Variants in SPAG9 observed in about 807,000 individuals in gnomAD.
The protein encoded by SPAG9 is sperm associated antigen 9.
Under a neutral mutation model 166.5 loss-of-function variants are expected in SPAG9, and 35 were observed. The observed-to-expected ratio is 0.21, with a 90% confidence interval of 0.16 to 0.28. The LOEUF (loss-of-function observed/expected upper bound fraction) is 0.28. Ranked by LOEUF, SPAG9 falls within the 10% of genes least tolerant of loss-of-function variation. The probability of loss-of-function intolerance (pLI) is 1.00; values close to 1 mark genes in which losing one functional copy is unlikely to be tolerated. For synonymous variants in SPAG9, 534 were observed against 565.5 expected, an observed-to-expected ratio of 0.94 and a Z score of 0.79; for missense variants, 1,235 against 1,603.3, an observed-to-expected ratio of 0.77 and a Z score of 3.92.
Position 50,996,612 on chromosome 17 carries a change from C to T in SPAG9, c.1921G>A (p.Gly641Ser), listed in dbSNP as rs753352548. 6 of 1,614,152 alleles carry T rather than the reference C, an allele frequency of 3.7e-6. No individual in the cohort carries two copies. The highest frequency in any genetic ancestry group is 2.2e-5 in the East Asian group (1 of 44,886). The change falls in exon 16 of 30, where the codon GGT (glycine) becomes AGT (serine). Residue 641 changes from glycine to serine, a missense_variant. By Grantham distance (56) the Gly-to-Ser change is moderately conservative. Transcript: ENST00000262013. ...QVKAHVQKEDGRVQAFGWSLP... is the reference protein window; with the variant it reads ...QVKAHVQKEDSRVQAFGWSLP... Reference sequence around the variant, plus strand: ...CTCCAGCCAAAAGCCTGCACTCTACCGTCTTCCTTCTGAACATGTGCTTTT... The same window carrying T: ...CTCCAGCCAAAAGCCTGCACTCTACTGTCTTCCTTCTGAACATGTGCTTTT...
intron 2 of SPAG9, among the ~76,000 whole-genome samples, chr17:51,078,011 T>C (rs2048065046): frequency 6.6e-6 from 1 of 151,470 alleles, no homozygotes; most frequent in Non-Finnish European, 1.5e-5. Context: ...CTCAGGCTGG[T>C]CTCAAACTCC....
intron 3 of SPAG9, among the ~76,000 whole-genome samples, chr17:51,053,126 G>A (rs1402195825): frequency 1.3e-5 from 2 of 151,242 alleles, no homozygotes; most frequent in Non-Finnish European, 2.9e-5. Flanking sequence ...TATTAAAAAA[G>A]ATTAGAGCTT....
intron 1 of SPAG9, among the ~76,000 whole-genome samples, chr17:51,104,101 T>C (rs1326155695): frequency 6.6e-6 from 1 of 152,128 alleles, no homozygotes; most frequent in African/African-American, 2.4e-5. Flanking sequence ...GCCAGGTAGA[T>C]GGTGGTATCC....
rs1327516714 is a variant in SPAG9, at chr17:51,031,486, G to A, written c.783+195C>T. 1.1e-5 allele frequency: 6 copies of A among 565,826 alleles called. No individual in the cohort carries two copies. The East Asian group carries it at 1.5e-4, about 14-fold the overall frequency. 35.1% of individuals were successfully genotyped at this position (565,826 alleles called of 1,614,324 possible). A position where few individuals can be genotyped will look rare whatever the true frequency, so the allele number is the denominator to read the frequency against. On this transcript the variant is annotated intron_variant, in intron 6 of 29. Coordinates refer to ENST00000262013, the MANE Select transcript of SPAG9 (RefSeq NM_001130528.3). ...ATTTAAAAATGCTTACTTTGGGGAA[G>A]GAATAAATTACAGATTGCAGTAAAG... is the stretch of plus-strand genomic sequence containing the variant.
At chr17:50,984,832 T>C in intron 24 of SPAG9, 91 bp downstream of exon 24, 1 of 961,428 alleles carries the variant, frequency 1.0e-6, no homozygotes, top group Non-Finnish European at 1.7e-6. Flanking sequence ...TTAAACTGAG[T>C]ATCATTTCTT....
intron 9 of SPAG9, among the ~76,000 whole-genome samples, chr17:51,012,346 C>T (rs1252280955): frequency 1.3e-5 from 2 of 151,960 alleles, no homozygotes; most frequent in East Asian, 1.9e-4. Context: ...CCAAGACAGG[C>T]GAATCATGAG....
At chr17:51,097,355 A>G (rs1474935559) in intron 1 of SPAG9, among the ~76,000 whole-genome samples, 1 of 152,174 alleles carries the variant, frequency 6.6e-6, no homozygotes, top group Non-Finnish European at 1.5e-5. Flanking sequence ...TAGCCAGTTG[A>G]GACTGTACTG....
intron 6 of SPAG9, among the ~76,000 whole-genome samples, chr17:51,027,746 T>C (rs143605245): frequency 2.6e-5 from 4 of 152,334 alleles, no homozygotes; most frequent in Non-Finnish European, 5.9e-5. Flanking sequence ...TAATACTTGA[T>C]AATGATAAAC....
chr17:51,077,005 G>GCTAGCTAGCTATCTAGCTAGCTAGCTAT (rs2047997005), intron 2 of SPAG9, among the ~76,000 whole-genome samples: 3 of 92,508 alleles, frequency 3.2e-5, no homozygotes, highest in African/African-American at 1.4e-4. Flanking sequence ...TAGCTATCTA[G>GCTAGCTAGCTATCTAGCTAGCTAGCTAT]CTAGCTAGCT....
At chr17:51,049,399 G>A (rs2047119789) in intron 3 of SPAG9, among the ~76,000 whole-genome samples, 1 of 151,328 alleles carries the variant, frequency 6.6e-6, no homozygotes, top group Non-Finnish European at 1.5e-5. Context: ...AAAGAGGTCA[G>A]GTGCAGTAGC....
chr17:51,044,447 T>C (rs1026669635), intron 4 of SPAG9, among the ~76,000 whole-genome samples: 2 of 152,244 alleles, frequency 1.3e-5, no homozygotes, highest in Admixed American at 1.3e-4. Flanking sequence ...CATATATCCA[T>C]TTTTGAGTTG....
chr17:51,016,951 C>G (rs2045724117), intron 8 of SPAG9, among the ~76,000 whole-genome samples: 1 of 152,192 alleles, frequency 6.6e-6, no homozygotes, highest in Non-Finnish European at 1.5e-5. Flanking sequence ...ATACTGTATT[C>G]TGTGGCTAAG....
intron 2 of SPAG9, among the ~76,000 whole-genome samples, chr17:51,062,616 A>C (rs1257500080): frequency 2.0e-5 from 3 of 152,150 alleles, no homozygotes; most frequent in Non-Finnish European, 4.4e-5. Context: ...TTTGAGACAG[A>C]GTCTTGCTCT....
intron 25 of SPAG9, among the ~76,000 whole-genome samples, chr17:50,980,827 G>A (rs1036524762): frequency 6.6e-5 from 10 of 152,058 alleles, no homozygotes; most frequent in Non-Finnish European, 1.0e-4. Flanking sequence ...GCAAGATCCC[G>A]TCTCTACAAA....
chr17:50,985,811 A>T, intron 22 of SPAG9, 33 bp from the exon 23 acceptor site: 1 of 1,257,192 alleles, frequency 8.0e-7, no homozygotes, highest in Non-Finnish European at 1.2e-6. Context: ...GGTAAGGCAT[A>T]GAGAACATCA....
At chr17:51,017,906 C>T (rs962511345) in intron 8 of SPAG9, among the ~76,000 whole-genome samples, 6 of 152,092 alleles carry the variant, frequency 3.9e-5, no homozygotes, top group African/African-American at 1.4e-4. Flanking sequence ...ATGCTTTTAA[C>T]CGCTACAGAG....
chr17:51,006,895 T>C (rs2045242411), intron 10 of SPAG9, among the ~76,000 whole-genome samples: 1 of 152,032 alleles, frequency 6.6e-6, no homozygotes, highest in Non-Finnish European at 1.5e-5. Flanking sequence ...ATGAAAATAT[T>C]TGTGTGGAAA....
At chr17:51,119,253 C>T (rs1291209180) in intron 1 of SPAG9, among the ~76,000 whole-genome samples, 1 of 152,186 alleles carries the variant, frequency 6.6e-6, no homozygotes, top group East Asian at 1.9e-4. Flanking sequence ...ACAAACCTCA[C>T]ATCCTAAAAA....
Position 50,989,828 on chromosome 17 carries a change from C to T in SPAG9, c.2662G>A (p.Ala888Thr). ...TCTGTAGCTTCAGTTGCTTCTTCTG[C>T]TGTTGGAACATTTTCATCAACCTCA... ...NSEVDENVPT[A>T]EEATEATEGN... is the part of the protein sequence containing the mutation. The change falls in exon 21 of 30, where the codon GCA becomes ACA. Residue 888 changes from alanine (A) to threonine (T), a missense_variant. Transcript: ENST00000262013. 6.2e-7 allele frequency: 1 copy of T among 1,614,186 alleles called. No homozygotes were observed. Among genetic ancestry groups the T allele is most frequent in the Non-Finnish European group, 8.5e-7 (1 of 1,180,032 alleles).
Sources: gnomAD v4.1 joint callset for allele counts (sites outside exome capture counted in the v4.1 genomes callset) on GRCh38, gnomAD v4.1.1 for gene constraint, MANE v1.5 for transcripts, NCBI Gene and HGNC (gene_info 2026-07-23, HGNC 2026-07-21) for gene names.